Variants in SPATA22 observed in about 807,000 individuals in gnomAD.
SPATA22 encodes the protein spermatogenesis-associated protein 22.
Under a neutral mutation model 47.8 loss-of-function variants are expected in SPATA22, and 29 were observed. That is an observed-to-expected ratio of 0.61 (90% CI 0.45 to 0.83). SPATA22 has a LOEUF of 0.83. SPATA22 is among the 40% of genes least tolerant of loss of function. The probability of loss-of-function intolerance (pLI) is 0.00; values close to 1 mark genes in which losing one functional copy is unlikely to be tolerated. For synonymous variants in SPATA22, 133 were observed against 140.9 expected, an observed-to-expected ratio of 0.94 and a Z score of 0.40; for missense variants, 410 against 421.7, an observed-to-expected ratio of 0.97 and a Z score of 0.24.
At chr17:3,498,573 C>T (rs1309451963) in intron 1 of SPATA22, among the ~76,000 whole-genome samples, 1 of 152,096 alleles carries the variant, frequency 6.6e-6, no homozygotes, top group Non-Finnish European at 1.5e-5. Flanking sequence ...TTTTGAACTC[C>T]TAGGCTCAAG....
At chr17:3,513,443 A>G (rs1434545503) in exon 1 of SPATA22, 1 of 157,710 alleles carries the variant, frequency 6.3e-6, no homozygotes, top group African/African-American at 2.4e-5. Flanking sequence ...GGATGGGATC[A>G]CGGGTCTCCC....
At chr17:3,507,897 G>A (rs1403760138) in intron 1 of SPATA22, among the ~76,000 whole-genome samples, 3 of 152,126 alleles carry the variant, frequency 2.0e-5, no homozygotes, top group Non-Finnish European at 4.4e-5. Flanking sequence ...CCTATGACAA[G>A]GGTTTCCACC....
chr17:3,456,371 C>T (rs2072998056), intron 5 of SPATA22, among the ~76,000 whole-genome samples: 1 of 148,084 alleles, frequency 6.8e-6, no homozygotes, highest in African/African-American at 2.5e-5. Flanking sequence ...GGGATATCAC[C>T]ACCGATCCCA....
rs201653568 is a variant in SPATA22 at position 3,508,319 on chromosome 17, A to T, written c.-74+5093T>A. Among the ~76,000 whole-genome samples the T allele has an allele frequency of 2.6e-3, 397 of 151,474 alleles. 3 individuals are homozygous for T. The highest frequency in any genetic ancestry group is 8.6e-3 in the African/African-American group (354 of 41,318). On this transcript the variant is annotated intron_variant, in intron 1 of 8. Transcript: ENST00000541913. The stretch of plus-strand genomic sequence containing the variant: ...TGTTGGTGGGACTGTAAACTAGTTC[A>T]ACCATTGTGGAAGTCAGTGTGGCGA...
intron 7 of SPATA22, among the ~76,000 whole-genome samples, chr17:3,445,345 G>C (rs1289988058): frequency 6.6e-6 from 1 of 152,120 alleles, no homozygotes; most frequent in Non-Finnish European, 1.5e-5. Flanking sequence ...ATGCCAACCA[G>C]CTAAGAGATA....
At chr17:3,489,105 T>G in intron 1 of SPATA22, 1 of 622,114 alleles carries the variant, frequency 1.6e-6, no homozygotes, top group Non-Finnish European at 2.8e-6. Flanking sequence ...ATATTTTCCA[T>G]GATGCTACAT....
intron 1 of SPATA22, chr17:3,489,363 C>T (rs749974010): frequency 3.8e-5 from 58 of 1,543,276 alleles, no homozygotes; most frequent in Middle Eastern, 1.7e-4. Flanking sequence ...ATGAAGGTAA[C>T]GTTATCAAAC....
intron 1 of SPATA22, chr17:3,498,856 A>G (rs2073952642): frequency 1.4e-6 from 2 of 1,464,218 alleles, no homozygotes; most frequent in Admixed American, 5.3e-5. Context: ...AGAAAAACCA[A>G]ATATAATATA....
At chr17:3,493,282 G>A (rs1432642377) in intron 1 of SPATA22, among the ~76,000 whole-genome samples, 2 of 152,200 alleles carry the variant, frequency 1.3e-5, no homozygotes, top group Non-Finnish European at 2.9e-5. Flanking sequence ...AGAAAAAGAG[G>A]CTGGGCATGG....
chr17:3,506,244 C>T (rs948908517), intron 1 of SPATA22, among the ~76,000 whole-genome samples: 4 of 152,198 alleles, frequency 2.6e-5, no homozygotes, highest in Non-Finnish European at 5.9e-5. Context: ...GAGAGGACTT[C>T]GCCCAGGGCT....
At chr17:3,507,331 A>T (rs1241731721) in intron 1 of SPATA22, among the ~76,000 whole-genome samples, 1 of 152,248 alleles carries the variant, frequency 6.6e-6, no homozygotes, top group Non-Finnish European at 1.5e-5. Context: ...TGTAAAGTGC[A>T]TGGCACTTTA....
Position 3,490,537 on chromosome 17 carries a change from G to GTGC in SPATA22, c.-73-21142_-73-21140dup, listed in dbSNP as rs146298106. Among the ~76,000 whole-genome samples the GTGC allele has an allele frequency of 0.22, 32,877 of 152,002 alleles. 3,808 individuals are homozygous for GTGC. The highest frequency in any genetic ancestry group is 0.26 in the Non-Finnish European group (17,963 of 67,952). ...GGAGTGAATTCCTCAACCTCAGATC[G>GTGC]TGCGCACCCCACTGCAATCACAGAC... On this transcript the variant is annotated intron_variant, in intron 1 of 8. Transcript: ENST00000541913. This position sits in a 1 kb window ranked among gnomAD's most constrained non-coding sequence, Gnocchi z 4.6.
chr17:3,469,518 G>A, intron 1 of SPATA22, 120 bp from the exon 2 acceptor site: 1 of 515,638 alleles, frequency 1.9e-6, no homozygotes, highest in Non-Finnish European at 3.4e-6. Flanking sequence ...AAACACTTTA[G>A]GGAGTCCTTT....
rs1449654710 is a variant in SPATA22 at position 3,464,895 on chromosome 17, G to A, written c.173-2128C>T. On this transcript the variant is annotated intron_variant, in intron 3 of 8. Transcript: ENST00000572969. Reference sequence around the variant, plus strand: ...CCCCGTCTGGGAGGGGGGTGGGGGGGGGTCAGCCCCCCACCCGGCCAGCCG... The same window carrying A: ...CCCCGTCTGGGAGGGGGGTGGGGGGAGGTCAGCCCCCCACCCGGCCAGCCG... Among the ~76,000 whole-genome samples the A allele has an allele frequency of 1.9e-5, 2 of 107,040 alleles. 1 individual carries two copies. Among genetic ancestry groups the A allele is most frequent in the African/African-American group, 5.6e-5 (2 of 35,678 alleles). The allele number at this position is 107,040 out of a possible 152,430, so 70.2% of individuals were successfully genotyped here.
chr17:3,453,527 C>T (rs1290415148), intron 5 of SPATA22, among the ~76,000 whole-genome samples: 1 of 152,076 alleles, frequency 6.6e-6, no homozygotes, highest in Non-Finnish European at 1.5e-5. Flanking sequence ...TTGCAAAATT[C>T]CCACAGCTAA....
intron 1 of SPATA22, among the ~76,000 whole-genome samples, chr17:3,477,918 C>G (rs1329382836): frequency 6.6e-6 from 1 of 151,918 alleles, no homozygotes; most frequent in Admixed American, 6.6e-5. Flanking sequence ...CACAGTGGCT[C>G]ACACCTGTAA....
chr17:3,476,156 T>C (rs2073518571), upstream of SPATA22: 1 of 1,612,300 alleles, frequency 6.2e-7, no homozygotes, highest in South Asian at 1.1e-5. Context: ...AACTACTTGG[T>C]GAAATGACTT....
intron 1 of SPATA22, among the ~76,000 whole-genome samples, chr17:3,509,538 A>G (rs1039355422): frequency 2.6e-5 from 4 of 151,914 alleles, no homozygotes; most frequent in Non-Finnish European, 5.9e-5. Flanking sequence ...GTGTAGATAT[A>G]ACACATTTTC....
intron 5 of SPATA22, among the ~76,000 whole-genome samples, chr17:3,449,668 G>T (rs1185472470): frequency 6.6e-6 from 1 of 152,074 alleles, no homozygotes; most frequent in East Asian, 1.9e-4. Flanking sequence ...AAATTTTGTG[G>T]TTTTACTGCA....
Sources: gnomAD v4.1 joint callset for allele counts (sites outside exome capture counted in the v4.1 genomes callset) on GRCh38, gnomAD v4.1.1 for gene constraint, Gnocchi (gnomAD v3.1) non-coding constraint, MANE v1.5 for transcripts, NCBI Gene and HGNC (gene_info 2026-07-23, HGNC 2026-07-21) for gene names.